Variants in CDH2 observed in about 807,000 individuals in gnomAD.
CDH2 encodes cadherin-2.
A neutral mutation model predicts 92.0 loss-of-function variants in CDH2; 17 were observed. The observed-to-expected ratio is 0.18, with a 90% CI of 0.13 to 0.28. The LOEUF (loss-of-function observed/expected upper bound fraction) is 0.28. Ranked by LOEUF, CDH2 falls within the 10% of genes least tolerant of loss-of-function variation. The pLI is 1.00. For missense variants in CDH2, 862 were observed against 1,133.1 expected (o/e 0.76, Z 3.44); for synonymous variants, 419 against 415.9 (o/e 1.01, Z -0.09).
intron 2 of CDH2, among the ~76,000 whole-genome samples, chr18:28,037,308 C>T (rs2013853532): frequency 6.6e-6 from 1 of 152,124 alleles, no homozygotes; most frequent in Admixed American, 6.6e-5. Flanking sequence ...TGCTTCTTCT[C>T]CCAGATTTTT....
chr18:28,003,765 T>C (rs952799532), intron 6 of CDH2, among the ~76,000 whole-genome samples: 16 of 152,360 alleles, frequency 1.1e-4, no homozygotes, highest in East Asian at 3.9e-4. Context: ...TAAAAGAACA[T>C]TGGAACCAAC....
At chr18:28,033,275 T>G (rs919672792) in intron 2 of CDH2, among the ~76,000 whole-genome samples, 1 of 152,120 alleles carries the variant, frequency 6.6e-6, no homozygotes, top group Non-Finnish European at 1.5e-5. Flanking sequence ...GGAAGTATTT[T>G]TTCAAGGGCA....
chr18:27,963,159 ATC>A (rs1567939195), intron 15 of CDH2, among the ~76,000 whole-genome samples, 196 bp downstream of exon 15: 2 of 152,132 alleles, frequency 1.3e-5, no homozygotes, highest in Non-Finnish European at 2.9e-5. Flanking sequence ...TAATTGATAG[ATC>A]TCTTTTTGGT....
intron 2 of CDH2, among the ~76,000 whole-genome samples, chr18:28,071,963 A>G (rs1164625288): frequency 6.6e-6 from 1 of 152,160 alleles, no homozygotes; most frequent in African/African-American, 2.4e-5. Flanking sequence ...TACAATAGAG[A>G]TAATGACATT....
intron 1 of CDH2, among the ~76,000 whole-genome samples, chr18:28,160,642 G>A (rs1175054425): frequency 2.6e-5 from 4 of 152,188 alleles, no homozygotes; most frequent in Non-Finnish European, 5.9e-5. Flanking sequence ...GTAAATGGCA[G>A]AGAAAGAGCC....
At chr18:28,103,433 GAAGT>G (rs36201380) in intron 2 of CDH2, among the ~76,000 whole-genome samples, 43,587 of 141,832 alleles carry the variant, frequency 0.31, 7,459 homozygotes, top group African/African-American at 0.42. Flanking sequence ...ATACATATAT[GAAGT>G]ATGTTTATAT....
At chr18:28,000,207 G>T (rs2012721842) in intron 7 of CDH2, among the ~76,000 whole-genome samples, 1 of 152,126 alleles carries the variant, frequency 6.6e-6, no homozygotes, top group Non-Finnish European at 1.5e-5. Context: ...AGGCTCAGGT[G>T]ATTCTCCCGC....
rs185889512 is a variant in CDH2, at chr18:28,021,325, T to C, written c.173-7416A>G. On this transcript the variant is annotated intron_variant, in intron 2 of 15. Coordinates refer to ENST00000269141, the MANE Select transcript of CDH2 (RefSeq NM_001792.5). ...CTTCCATCAACATTAAATTTTCTTA[T>C]GCTCAGATAATCTCAAGTAGAAACT... Among the ~76,000 whole-genome samples the C allele has an allele frequency of 4.0e-4, 61 of 152,042 alleles. No homozygotes were observed. In the East Asian group the frequency reaches 0.012, roughly 29 times the overall value.
At chr18:28,102,838 T>C (rs923404263) in intron 2 of CDH2, among the ~76,000 whole-genome samples, 7 of 151,758 alleles carry the variant, frequency 4.6e-5, no homozygotes, top group African/African-American at 1.7e-4. Context: ...AGCATAAAAA[T>C]AGGCTACAGT....
intron 2 of CDH2, among the ~76,000 whole-genome samples, chr18:28,086,600 G>A (rs1277118560): frequency 6.6e-6 from 1 of 152,026 alleles, no homozygotes; most frequent in African/African-American, 2.4e-5. Context: ...ACTGACCATG[G>A]TTCTAAATAA....
chr18:28,004,187 T>G (rs1028167488), intron 6 of CDH2, among the ~76,000 whole-genome samples: 2 of 152,224 alleles, frequency 1.3e-5, no homozygotes, highest in Non-Finnish European at 2.9e-5. Flanking sequence ...TTTGCATGTT[T>G]TTTATTTCTC....
At chr18:28,116,140 A>G (rs562037073) in intron 2 of CDH2, among the ~76,000 whole-genome samples, 17 of 152,262 alleles carry the variant, frequency 1.1e-4, no homozygotes, top group Admixed American at 3.9e-4. Flanking sequence ...GACCCTATAC[A>G]TCAAAGAATT....
intron 11 of CDH2, among the ~76,000 whole-genome samples, chr18:27,987,733 A>AT (rs1317313833): frequency 1.3e-5 from 2 of 152,320 alleles, no homozygotes; most frequent in African/African-American, 4.8e-5. Flanking sequence ...AAGTCATTAC[A>AT]TTTTAGTTAA....
At chr18:27,992,171 T>C (rs1215221663) in intron 9 of CDH2, among the ~76,000 whole-genome samples, 1 of 152,218 alleles carries the variant, frequency 6.6e-6, no homozygotes, top group South Asian at 2.1e-4. Flanking sequence ...TTGTTCACTA[T>C]CTGCCAATAT....
rs890970988 is a variant in CDH2, at chr18:28,157,831, G to A, written c.61-10047C>T. Among the ~76,000 whole-genome samples, 775 of 152,024 alleles carry A rather than the reference G, an allele frequency of 5.1e-3. 7 individuals carry two copies. Among genetic ancestry groups the A allele is most frequent in the African/African-American group, 0.018 (739 of 41,452 alleles). ...CAGGTAAAACTTTTTTAAACATTTT[G>A]TTTTAAGTCCTCCAAATCAAAGCCT... On this transcript the variant is annotated intron_variant, in intron 1 of 15. Transcript: ENST00000269141.
chr18:28,176,909 G>A (rs967678849), intron 1 of CDH2, 54 bp downstream of exon 1: 5 of 1,092,060 alleles, frequency 4.6e-6, no homozygotes, highest in African/African-American at 3.4e-5. Flanking sequence ...AAAGGGACCC[G>A]GCGCCGCCCG....
intron 2 of CDH2, among the ~76,000 whole-genome samples, chr18:28,026,603 C>T (rs1354397755): frequency 1.3e-5 from 2 of 152,098 alleles, no homozygotes; most frequent in African/African-American, 4.8e-5. Flanking sequence ...TCTTCCTCAG[C>T]CCAAGGAGCT....
At chr18:27,979,368 T>C (rs1413326654) in intron 14 of CDH2, among the ~76,000 whole-genome samples, 1 of 152,172 alleles carries the variant, frequency 6.6e-6, no homozygotes, top group East Asian at 1.9e-4. Flanking sequence ...ATTGGGACTT[T>C]CATGTACCAC....
chr18:27,976,618 G>A (rs1464208437), intron 14 of CDH2, among the ~76,000 whole-genome samples: 7 of 152,094 alleles, frequency 4.6e-5, no homozygotes, highest in Non-Finnish European at 5.9e-5. Flanking sequence ...AACAATATAC[G>A]CCTATTTTAC....
Sources: gnomAD v4.1 joint callset for allele counts (sites outside exome capture counted in the v4.1 genomes callset) on GRCh38, gnomAD v4.1.1 for gene constraint, MANE v1.5 for transcripts, NCBI Gene and HGNC (gene_info 2026-07-23, HGNC 2026-07-21) for gene names.